The following NADSYN1 variants were observed in gnomAD, a reference collection of about 807,000 sequenced individuals.
The protein encoded by NADSYN1 is NAD synthetase 1.
In NADSYN1, 80 loss-of-function variants were observed where a neutral mutation model predicts 99.3. That is an observed-to-expected ratio of 0.81 (90% CI 0.67 to 0.97). The LOEUF (loss-of-function observed/expected upper bound fraction) is 0.97. Among genes scored for constraint, NADSYN1 ranks in the 50% least tolerant of loss-of-function variants. The pLI, the probability that NADSYN1 is intolerant of heterozygous loss-of-function variation, is 0.00. For missense variants in NADSYN1, 859 were observed against 948.5 expected (o/e 0.91, Z 1.24); for synonymous variants, 385 against 372.1 (o/e 1.03, Z -0.40).
chr11:71,481,302 G>A (rs1389584064), intron 11 of NADSYN1, 54 bp from the exon 12 acceptor site: 8 of 1,590,486 alleles, frequency 5.0e-6, no homozygotes, highest in African/African-American at 2.7e-5. Context: ...GGGTTGTTGG[G>A]TGCTGTGGGC....
In NADSYN1 at chr11:71,464,207, G is replaced by A. The variant is rs1591123627; in HGVS notation, c.407+65G>A. 3 of 1,340,678 alleles carry A rather than the reference G, an allele frequency of 2.2e-6. No individual in the cohort carries two copies. In the East Asian group the frequency reaches 7.5e-5, roughly 33 times the overall value. The allele number at this position is 1,340,678 out of a possible 1,614,324, so 83.0% of individuals were successfully genotyped here. A position where few individuals can be genotyped will look rare whatever the true frequency, so the allele number is the denominator to read the frequency against. On this transcript the variant is annotated intron_variant, in intron 5 of 20. Transcript: ENST00000319023. The stretch of plus-strand genomic sequence containing the variant: ...GCACCTCCGCTGTGTGTAGCCTTGG[G>A]TCCTGATCATGGGAGTGTTACCGGT...
Position 71,498,428 on chromosome 11 carries a change from A to C in NADSYN1, c.1970A>C (p.Tyr657Ser), listed in dbSNP as rs766614421. The C allele has an allele frequency of 5.6e-6, 9 of 1,614,226 alleles. No homozygotes were observed. In the East Asian group the frequency reaches 2.0e-4, roughly 36 times the overall value. Residue 657 changes from tyrosine to serine, a missense_variant, in exon 20 of 21, where the codon TAC becomes TCC. Coordinates refer to ENST00000319023, the MANE Select transcript of NADSYN1 (RefSeq NM_018161.5). ...RHKMTTLTPA[Y>S]HAENYSPEDN... ...AAGATGACCACGCTCACACCCGCGT[A>C]CCACGCCGAGAACTACAGCCCTGAG... is the stretch of plus-strand genomic sequence containing the variant.
At chr11:71,482,259 G>A (rs192253260) in intron 13 of NADSYN1, among the ~76,000 whole-genome samples, 20 of 152,222 alleles carry the variant, frequency 1.3e-4, no homozygotes, top group Non-Finnish European at 2.8e-4. Context: ...CTCCAGAGCT[G>A]TACCTGCCTG....
chr11:71,473,024 C>G (rs542207675), intron 6 of NADSYN1, among the ~76,000 whole-genome samples: 1 of 152,348 alleles, frequency 6.6e-6, no homozygotes, highest in South Asian at 2.1e-4. Context: ...CATCGATGTC[C>G]GTGACATTCT....
At chr11:71,486,124 G>A (rs1168217444) in intron 16 of NADSYN1, among the ~76,000 whole-genome samples, 3 of 152,212 alleles carry the variant, frequency 2.0e-5, no homozygotes, top group Non-Finnish European at 4.4e-5. Context: ...AAGTCCAGCA[G>A]TGGAGGCTGC....
intron 5 of NADSYN1, 123 bp downstream of exon 5, chr11:71,464,265 A>AGGTTTTTG: frequency 1.3e-6 from 1 of 754,028 alleles, no homozygotes; most frequent in African/African-American, 1.8e-5. Flanking sequence ...ATTTTGAACA[A>AGGTTTTTG]AGAATGGGAC....
intron 5 of NADSYN1, among the ~76,000 whole-genome samples, chr11:71,464,842 T>C (rs1949576621): frequency 8.1e-6 from 1 of 123,796 alleles, no homozygotes; most frequent in Non-Finnish European, 1.6e-5. Context: ...CACTCCAGCC[T>C]GAGCAACAGA....
intron 5 of NADSYN1, among the ~76,000 whole-genome samples, chr11:71,466,482 G>T (rs936028485): frequency 6.6e-6 from 1 of 152,102 alleles, no homozygotes; most frequent in African/African-American, 2.4e-5. Context: ...GCCTCACCCC[G>T]CCCTCTAGAG....
chr11:71,474,322 T>A, intron 8 of NADSYN1, 73 bp from the exon 9 acceptor site: 2 of 1,598,744 alleles, frequency 1.3e-6, no homozygotes, highest in Non-Finnish European at 1.7e-6. Flanking sequence ...CGGAGGTTCC[T>A]GTACTTGGGC....
chr11:71,477,357 G>C, intron 9 of NADSYN1: 2 of 1,289,658 alleles, frequency 1.6e-6, no homozygotes, highest in Non-Finnish European at 2.0e-6. Flanking sequence ...TGGTGGCCAG[G>C]GTGCTGTCAC....
rs532486346 is a variant in NADSYN1 at position 71,464,847 on chromosome 11, A to G, written c.407+705A>G. ...TGCGCCACTGCACTCCAGCCTGAGC[A>G]ACAGAGCGAGACTCTGTCTCAAAAA... On this transcript the variant is annotated intron_variant, in intron 5 of 20. Coordinates refer to ENST00000319023, the MANE Select transcript of NADSYN1 (RefSeq NM_018161.5). 7.6e-3 allele frequency among the ~76,000 whole-genome samples: 1,103 copies of G among 145,224 alleles called. 17 individuals carry two copies. Among genetic ancestry groups the G allele is most frequent in the African/African-American group, 0.027 (1,040 of 38,878 alleles).
chr11:71,493,702 C>T (rs1264424227), intron 18 of NADSYN1, among the ~76,000 whole-genome samples: 1 of 152,130 alleles, frequency 6.6e-6, no homozygotes, highest in African/African-American at 2.4e-5. Context: ...TAATTTCTTC[C>T]AAGAGTTTTA....
intron 5 of NADSYN1, among the ~76,000 whole-genome samples, chr11:71,470,626 G>A (rs1171763311): frequency 3.9e-5 from 6 of 152,232 alleles, no homozygotes; most frequent in East Asian, 1.9e-4. Context: ...CTTAGGTGCC[G>A]TGGGATGTCT....
intron 6 of NADSYN1, 69 bp downstream of exon 6, chr11:71,472,569 T>TG: frequency 7.0e-7 from 1 of 1,429,516 alleles, no homozygotes; most frequent in Non-Finnish European, 9.9e-7. Context: ...GTGGACCAGG[T>TG]GGGGCGGGAA....
chr11:71,465,082 T>C (rs1949578924), intron 5 of NADSYN1, among the ~76,000 whole-genome samples: 1 of 151,944 alleles, frequency 6.6e-6, no homozygotes, highest in Admixed American at 6.6e-5. Flanking sequence ...GAAAGTATGT[T>C]ACAATATCGC....
intron 3 of NADSYN1, 181 bp downstream of exon 3, chr11:71,458,725 C>G: frequency 1.8e-6 from 1 of 565,988 alleles, no homozygotes; most frequent in Non-Finnish European, 3.2e-6. Flanking sequence ...CCTCATTTCC[C>G]CTGCAAGGAG....
intron 16 of NADSYN1, among the ~76,000 whole-genome samples, chr11:71,487,105 G>C (rs553497241): frequency 1.3e-5 from 2 of 152,280 alleles, no homozygotes; most frequent in Non-Finnish European, 2.9e-5. Context: ...ATCCTTGCCT[G>C]TCTGCAGATG....
chr11:71,475,922 C>T (rs1032149996), intron 9 of NADSYN1: 1 of 427,448 alleles, frequency 2.3e-6, no homozygotes, highest in Non-Finnish European at 4.7e-6. Flanking sequence ...CTGTGTTGCC[C>T]CGGCTGGTCG....
Position 71,453,724 on chromosome 11 carries a change from C to A in NADSYN1, c.85+343C>A, listed in dbSNP as rs151301820. On this transcript the variant is annotated intron_variant, in intron 1 of 20. Coordinates refer to ENST00000319023, the MANE Select transcript of NADSYN1 (RefSeq NM_018161.5). ...CATTCTCGGAGATATCTAAGTTGAA[C>A]AGAATGGCTGCGCACTGGCGGGGAT... is the stretch of plus-strand genomic sequence containing the variant. Among the ~76,000 whole-genome samples the A allele has an allele frequency of 9.4e-3, 1,427 of 152,298 alleles. 10 individuals carry two copies. Among genetic ancestry groups the A allele is most frequent in the Non-Finnish European group, 0.015 (1,050 of 68,022 alleles).
Sources: allele counts gnomAD v4.1 joint callset (sites outside exome capture counted in the v4.1 genomes callset), GRCh38; gene constraint gnomAD v4.1.1; transcripts MANE v1.5; gene names NCBI Gene and HGNC (gene_info 2026-07-23, HGNC 2026-07-21).